The following ABCA3 variants were observed in gnomAD, a reference collection of about 807,000 sequenced individuals.
The protein encoded by ABCA3 is ATP binding cassette subfamily A member 3.
A neutral mutation model predicts 172.8 loss-of-function variants in ABCA3; 88 were observed. That is an observed-to-expected ratio of 0.51 (90% CI 0.43 to 0.61). ABCA3 has a LOEUF of 0.61. Ranked by LOEUF, ABCA3 falls within the 20% of genes least tolerant of loss-of-function variation. The pLI, the probability that ABCA3 is intolerant of heterozygous loss-of-function variation, is 0.00. For missense variants in ABCA3, 2,164 were observed against 2,301.0 expected, an observed-to-expected ratio of 0.94 and a Z score of 1.22; for synonymous variants, 1,066 against 983.8, an observed-to-expected ratio of 1.08 and a Z score of -1.56.
In ABCA3 at chr16:2,283,276, G is replaced by A. The variant is rs144831867; in HGVS notation, c.3945C>T (p.Cys1315=). The change falls in exon 26 of 33, where the codon TGC becomes TGT. Residue 1315 remains cysteine, a synonymous_variant. Coordinates refer to ENST00000301732, the MANE Select transcript of ABCA3 (RefSeq NM_001089.3). This position sits in a 1 kb window ranked among gnomAD's most constrained non-coding sequence, Gnocchi z 5.4. ...RFVASMAASG[C]AYLILLFLIE... is the part of the protein sequence containing the mutation. ...TGAGGAAGAGCAGGATGAGGTAGGC[G>A]CACCCTGAGGCGGCCATGGAGGCCA... 2.6e-5 allele frequency: 42 copies of A among 1,613,302 alleles called. No homozygotes were observed. The highest frequency in any genetic ancestry group is 1.7e-4 in the Middle Eastern group (1 of 6,058).
At chr16:2,339,626 C>T (rs2093757308) in intron 1 of ABCA3, among the ~76,000 whole-genome samples, 1 of 152,248 alleles carries the variant, frequency 6.6e-6, no homozygotes, top group African/African-American at 2.4e-5. Context: ...GCCTGGGCTC[C>T]ATGCTGTCGC....
chr16:2,317,227 T>C, intron 10 of ABCA3, 56 bp downstream of exon 10: 3 of 1,610,106 alleles, frequency 1.9e-6, no homozygotes, highest in Non-Finnish European at 2.5e-6. Flanking sequence ...GTTATTTCCA[T>C]GCAGATGGCC....
chr16:2,296,477 T>G (rs1466264622), intron 17 of ABCA3, among the ~76,000 whole-genome samples: 1 of 152,204 alleles, frequency 6.6e-6, no homozygotes, highest in Non-Finnish European at 1.5e-5. Flanking sequence ...TCAAGTGATC[T>G]GCCTGCCTTG....
Position 2,278,379 on chromosome 16 carries a change from TGG to T in ABCA3, c.4625_4626del (p.Ser1542TyrfsTer36), listed in dbSNP as rs1207976397. ...CGCCGGGCCACGGGGTCCATGCCAG[TGG>T]ACGGCTCGTCCAGGAAGATGACAGC... ...EPAVIFLDEP[S>X]TGMDPVARRL... On this transcript the variant is annotated frameshift_variant, in exon 30 of 33. Transcript: ENST00000301732. LOFTEE classifies it high-confidence loss of function. This position sits in a 1 kb window ranked among gnomAD's most constrained non-coding sequence, Gnocchi z 4.4. The T allele has an allele frequency of 6.2e-7, 1 of 1,612,520 alleles. No individual in the cohort carries two copies. The highest frequency in any genetic ancestry group is 8.5e-7 in the Non-Finnish European group (1 of 1,179,980).
intron 20 of ABCA3, chr16:2,289,149 T>C (rs925815469): frequency 4.2e-6 from 2 of 480,916 alleles, no homozygotes; most frequent in Admixed American, 7.2e-5. Context: ...TCCGTGTCGT[T>C]GGCTGCTAGA....
rs1393626370 is a variant in ABCA3, at chr16:2,304,103, C to T, written c.1333G>A (p.Asp445Asn). The change falls in exon 12 of 33, where the codon GAC (aspartate) becomes AAC (asparagine). Residue 445 changes from aspartate to asparagine, a missense_variant. Coordinates refer to ENST00000301732, the MANE Select transcript of ABCA3 (RefSeq NM_001089.3). ...AGCACCTGCCCGAAGCAGAAGTCGT[C>T]GTCCACGTTGACGGGACTCAGGAGG... ...RDLLSPVNVD[D>N]DFCFGQVLGM... 8 of 1,614,186 alleles carry T rather than the reference C, an allele frequency of 5.0e-6. No homozygotes were observed. The highest frequency in any genetic ancestry group is 1.3e-5 in the African/African-American group (1 of 75,052).
At position 2,276,422 on chromosome 16, in the gene ABCA3, A is replaced by C; in HGVS notation, c.*252T>G. ...CAGAGACCCCGGAGCTTGCCCGCAG[A>C]CTGCCCGGCCTGCCCCAGCTCTGGG... On this transcript the variant is annotated 3_prime_UTR_variant, in exon 33 of 33. Coordinates refer to ENST00000301732, the MANE Select transcript of ABCA3 (RefSeq NM_001089.3). The C allele has an allele frequency of 1.5e-6, 1 of 674,884 alleles. No homozygotes were observed. Among genetic ancestry groups the C allele is most frequent in the African/African-American group, 1.8e-5 (1 of 56,164 alleles). The allele number at this position is 674,884 out of a possible 1,614,324, so 41.8% of individuals were successfully genotyped here.
At chr16:2,338,463 A>G (rs192116329) in intron 1 of ABCA3, among the ~76,000 whole-genome samples, 18 of 152,298 alleles carry the variant, frequency 1.2e-4, no homozygotes, top group African/African-American at 4.3e-4. Context: ...GGAATTTTCC[A>G]GGGCACTTTA....
In ABCA3 at chr16:2,298,416, T is replaced by C. The variant is rs1342868831; in HGVS notation, c.1866A>G (p.Thr622=). The change falls in exon 15 of 33, where the codon ACA becomes ACG. Residue 622 remains threonine, a synonymous_variant. Transcript: ENST00000301732. ...PQHDILFDNL[T]VAEHLYFYAQ... is the part of the protein sequence containing the mutation. ...CGTAGAAATAAAGGTGCTCTGCGAC[T>C]GTCAAGTTGTCAAACAGGATGTCGT... is the stretch of plus-strand genomic sequence containing the variant. 4 of 1,614,120 alleles carry C rather than the reference T, an allele frequency of 2.5e-6. No individual in the cohort carries two copies. In the South Asian group the frequency reaches 4.4e-5, roughly 18 times the overall value.
At position 2,285,340 on chromosome 16, in the gene ABCA3, C is replaced by T. The variant is rs1014526154; in HGVS notation, c.3483+102G>A. Reference sequence around the variant, plus strand: ...TCCTCCCTGAGTCGGGCCGAGCTGCCGGCCTAGGGGCTGCCCAGCTGGTTC... The same window carrying T: ...TCCTCCCTGAGTCGGGCCGAGCTGCTGGCCTAGGGGCTGCCCAGCTGGTTC... On this transcript the variant is annotated intron_variant, in intron 23 of 32. Transcript: ENST00000301732. This position sits in a 1 kb window ranked among gnomAD's most constrained non-coding sequence, Gnocchi z 4.7. 2.5e-4 allele frequency: 352 copies of T among 1,413,984 alleles called. No homozygotes were observed. Among genetic ancestry groups the T allele is most frequent in the Admixed American group, 1.4e-4 (7 of 50,828 alleles). The allele number at this position is 1,413,984 out of a possible 1,614,324, so 87.6% of individuals were successfully genotyped here.
chr16:2,332,581 A>G, intron 1 of ABCA3: 1 of 1,409,404 alleles, frequency 7.1e-7, no homozygotes, highest in Non-Finnish European at 1.0e-6. Context: ...CTCCTTGCTG[A>G]GAAGCAAAAC....
intron 18 of ABCA3, among the ~76,000 whole-genome samples, 193 bp from the exon 19 acceptor site, chr16:2,292,431 G>A (rs1202553941): frequency 6.6e-6 from 1 of 151,702 alleles, no homozygotes; most frequent in Non-Finnish European, 1.5e-5. Flanking sequence ...GAAACCTGTC[G>A]CTATTAAAAA....
At chr16:2,338,534 T>G (rs540587607) in intron 1 of ABCA3, among the ~76,000 whole-genome samples, 1 of 152,280 alleles carries the variant, frequency 6.6e-6, no homozygotes, top group African/African-American at 2.4e-5. Context: ...GGGCCCAGGC[T>G]GGCTTCCCAG....
chr16:2,322,985 G>C (rs2093728423), intron 7 of ABCA3, among the ~76,000 whole-genome samples: 1 of 152,164 alleles, frequency 6.6e-6, no homozygotes, highest in African/African-American at 2.4e-5. Flanking sequence ...CCATCAAAAA[G>C]TGGGCAAAGG....
At chr16:2,301,665 G>A (rs2093689657) in intron 12 of ABCA3, among the ~76,000 whole-genome samples, 2 of 151,350 alleles carry the variant, frequency 1.3e-5, no homozygotes, top group Non-Finnish European at 2.9e-5. Context: ...AGCTGAGATC[G>A]CGCCACTGGA....
Position 2,304,692 on chromosome 16 carries a change from T to C in ABCA3, c.1286-542A>G, listed in dbSNP as rs112681333. On this transcript the variant is annotated intron_variant, in intron 11 of 32. Transcript: ENST00000301732. The stretch of plus-strand genomic sequence containing the variant: ...TGGGCTAAATTTTTTTTTTTTTTTT[T>C]TGAGATGGAGTCTTGCTCTGTCTCC... Among the ~76,000 whole-genome samples, 1,437 of 148,736 alleles carry C rather than the reference T, an allele frequency of 9.7e-3. 13 individuals are homozygous for C. Among genetic ancestry groups the C allele is most frequent in the South Asian group, 0.018 (83 of 4,606 alleles).
Position 2,301,980 on chromosome 16 carries a change from A to T in ABCA3, c.1468-1832T>A, listed in dbSNP as rs2093690217. On this transcript the variant is annotated intron_variant, in intron 12 of 32. Coordinates refer to ENST00000301732, the MANE Select transcript of ABCA3 (RefSeq NM_001089.3). Reference sequence around the variant, plus strand: ...AACACCTGGCCCGCCCAGGGCGGAAAACCGCTTAAAGGCATTCTTAAGCCG... The same window carrying T: ...AACACCTGGCCCGCCCAGGGCGGAATACCGCTTAAAGGCATTCTTAAGCCG... Among the ~76,000 whole-genome samples the T allele has an allele frequency of 3.3e-5, 5 of 152,274 alleles. No homozygotes were observed. The South Asian group carries it at 1.0e-3, about 32-fold the overall frequency.
At chr16:2,299,976 G>GC in intron 13 of ABCA3, 29 bp downstream of exon 13, 1 of 1,610,920 alleles carries the variant, frequency 6.2e-7, no homozygotes, top group Non-Finnish European at 8.5e-7. Context: ...GGCAGCCCCG[G>GC]CCCTCCCTGT....
chr16:2,298,990 C>G (rs543710087), intron 14 of ABCA3, among the ~76,000 whole-genome samples: 1 of 152,188 alleles, frequency 6.6e-6, no homozygotes, highest in South Asian at 2.1e-4. Flanking sequence ...CTGACCCTGT[C>G]AAGCTTGGGT....
Sources: gnomAD v4.1 joint callset for allele counts (sites outside exome capture counted in the v4.1 genomes callset) on GRCh38, gnomAD v4.1.1 for gene constraint, Gnocchi (gnomAD v3.1) non-coding constraint, MANE v1.5 for transcripts, NCBI Gene and HGNC (gene_info 2026-07-23, HGNC 2026-07-21) for gene names.